HOOK3: variants seen among roughly 807,000 people sequenced by gnomAD.
The protein encoded by HOOK3 is protein Hook homolog 3.
A neutral mutation model predicts 116.3 loss-of-function variants in HOOK3; 24 were observed. The observed-to-expected ratio is 0.21, with a 90% CI of 0.15 to 0.29. HOOK3 has a LOEUF of 0.29. HOOK3 is among the 10% of genes least tolerant of loss of function. HOOK3 has a pLI of 1.00. For missense variants in HOOK3, 632 were observed against 830.2 expected, an observed-to-expected ratio of 0.76 and a Z score of 2.93; for synonymous variants, 275 against 283.0, an observed-to-expected ratio of 0.97 and a Z score of 0.28.
At chr8:42,934,187 T>C (rs1807922253) in intron 4 of HOOK3, among the ~76,000 whole-genome samples, 1 of 152,110 alleles carries the variant, frequency 6.6e-6, no homozygotes, top group African/African-American at 2.4e-5. Flanking sequence ...GTTTTTTCTC[T>C]CTTGTGTTTT....
chr8:42,924,738 C>T (rs892540865), intron 2 of HOOK3, among the ~76,000 whole-genome samples: 1 of 151,974 alleles, frequency 6.6e-6, no homozygotes, highest in South Asian at 2.1e-4. Flanking sequence ...TTTGGGAGGC[C>T]GAGGTGGACG....
chr8:43,004,015 A>G (rs909938804), intron 17 of HOOK3, among the ~76,000 whole-genome samples: 10 of 152,144 alleles, frequency 6.6e-5, no homozygotes, highest in African/African-American at 2.2e-4. Context: ...AGGAGACACA[A>G]TTCAGCCCAC....
chr8:42,975,191 A>G (rs1180362618), intron 13 of HOOK3, among the ~76,000 whole-genome samples: 2 of 152,118 alleles, frequency 1.3e-5, no homozygotes, highest in Non-Finnish European at 2.9e-5. Context: ...AACACCACCA[A>G]GCCCTCAGCG....
chr8:42,965,776 A>G (rs998883876), intron 9 of HOOK3, among the ~76,000 whole-genome samples: 1 of 152,122 alleles, frequency 6.6e-6, no homozygotes, highest in African/African-American at 2.4e-5. Flanking sequence ...GGAAAAAGTA[A>G]TAAACTTTTC....
In HOOK3 at chr8:42,992,488, C is replaced by T. The variant is rs1413509672; in HGVS notation, c.1533-5062C>T. 2.7e-5 allele frequency among the ~76,000 whole-genome samples: 4 copies of T among 148,288 alleles called. No homozygotes were observed. In the East Asian group the frequency reaches 6.0e-4, roughly 22 times the overall value. On this transcript the variant is annotated intron_variant, in intron 15 of 21. Coordinates refer to ENST00000307602, the MANE Select transcript of HOOK3 (RefSeq NM_032410.4). ...ATCCCAGCACTTTGGGAGGCTGAGG[C>T]GGGCGGATCACAAGGTCAGGAGATT...
chr8:43,016,187 G>T (rs1027837783), intron 21 of HOOK3, among the ~76,000 whole-genome samples: 4 of 149,592 alleles, frequency 2.7e-5, no homozygotes, highest in African/African-American at 9.9e-5. Flanking sequence ...GCACGATCTC[G>T]GCTCACTGTA....
intron 4 of HOOK3, among the ~76,000 whole-genome samples, chr8:42,936,928 T>C (rs28799623): frequency 0.048 from 7,217 of 151,602 alleles, 344 homozygotes; most frequent in African/African-American, 0.12. Context: ...GAGGAGTACC[T>C]CTTTTTCTGT....
At chr8:42,956,641 A>G (rs966571025) in intron 6 of HOOK3, among the ~76,000 whole-genome samples, 21 of 152,044 alleles carry the variant, frequency 1.4e-4, no homozygotes, top group Non-Finnish European at 2.8e-4. Context: ...CTAGAGTGCA[A>G]TGGCACCATC....
intron 17 of HOOK3, among the ~76,000 whole-genome samples, chr8:43,006,464 A>G (rs949055625): frequency 6.6e-6 from 1 of 152,042 alleles, no homozygotes; most frequent in Non-Finnish European, 1.5e-5. Flanking sequence ...CTGGGACTAC[A>G]GGCAAACACC....
intron 4 of HOOK3, among the ~76,000 whole-genome samples, chr8:42,936,468 A>G (rs1257911745): frequency 6.6e-6 from 1 of 152,170 alleles, no homozygotes; most frequent in Admixed American, 6.5e-5. Flanking sequence ...GTCTTGTGCC[A>G]GTTTTCAAAG....
intron 15 of HOOK3, among the ~76,000 whole-genome samples, chr8:42,991,785 C>T (rs925108536): frequency 6.6e-6 from 1 of 151,908 alleles, no homozygotes; most frequent in African/African-American, 2.4e-5. Flanking sequence ...AACTGGGTCT[C>T]ACTAAATTGC....
chr8:42,957,051 CT>C, intron 6 of HOOK3, 42 bp from the exon 7 acceptor site: 11 of 1,125,988 alleles, frequency 9.8e-6, no homozygotes, highest in South Asian at 4.6e-5. Flanking sequence ...TGTAGAATGT[CT>C]TTTTTGCCTC....
At chr8:42,992,728 AAAAG>A (rs1809191174) in intron 15 of HOOK3, among the ~76,000 whole-genome samples, 1 of 151,690 alleles carries the variant, frequency 6.6e-6, no homozygotes, top group Non-Finnish European at 1.5e-5. Context: ...AAAAAAAAAA[AAAAG>A]AAATGTTACT....
chr8:42,928,112 G>C (rs1807803640), intron 3 of HOOK3, among the ~76,000 whole-genome samples: 1 of 152,034 alleles, frequency 6.6e-6, no homozygotes, highest in Non-Finnish European at 1.5e-5. Context: ...AAACCCCATT[G>C]TACTAAAAAT....
intron 2 of HOOK3, among the ~76,000 whole-genome samples, chr8:42,910,069 C>G (rs750954801): frequency 1.1e-4 from 16 of 152,102 alleles, no homozygotes; most frequent in Non-Finnish European, 2.2e-4. Context: ...TCTGAGGGAG[C>G]AGATTTCAAA....
At position 42,962,786 on chromosome 8, in the gene HOOK3, ACTT is replaced by A. The variant is rs202234206; in HGVS notation, c.616-1515_616-1513del. Among the ~76,000 whole-genome samples the A allele has an allele frequency of 7.1e-4, 96 of 134,344 alleles. 1 individual carries two copies. Among genetic ancestry groups the A allele is most frequent in the Middle Eastern group, 4.0e-3 (1 of 250 alleles). The allele number at this position is 134,344 out of a possible 152,430, so 88.1% of individuals were successfully genotyped here. On this transcript the variant is annotated intron_variant, in intron 8 of 21. Transcript: ENST00000307602. ...AAATATATTGACTTTTTTTGGTCTG[ACTT>A]CTTCTTCTTTTTTTTTTTTTTTTTT...
Position 42,943,313 on chromosome 8 carries a change from A to G in HOOK3, c.268A>G (p.Ile90Val), listed in dbSNP as rs1808164105. Residue 90 changes from isoleucine to valine, a missense_variant and splice_region_variant, in exon 5 of 22, where the codon ATT becomes GTT. By Grantham distance (29) the Ile-to-Val change is conservative. Coordinates refer to ENST00000307602, the MANE Select transcript of HOOK3 (RefSeq NM_032410.4). Reference protein sequence around the residue: ...LKGILDYNHEILGQQINDFTL... With the variant: ...LKGILDYNHEVLGQQINDFTL... ...TTATAATCCTTTTATCTCCATTCAG[A>G]TTTTAGGACAGCAAATTAATGACTT... The G allele has an allele frequency of 2.0e-6, 3 of 1,469,044 alleles. No individual in the cohort carries two copies. The highest frequency in any genetic ancestry group is 4.8e-5 in the Admixed American group (2 of 41,988). The allele number at this position is 1,469,044 out of a possible 1,614,324, so 91.0% of individuals were successfully genotyped here.
rs556809993 is a variant in HOOK3, at chr8:42,936,511, A to G, written c.267+6339A>G. Among the ~76,000 whole-genome samples, 32 of 152,284 alleles carry G rather than the reference A, an allele frequency of 2.1e-4. No individual in the cohort carries two copies. The South Asian group carries it at 5.4e-3, about 26-fold the overall frequency. On this transcript the variant is annotated intron_variant, in intron 4 of 21. Transcript: ENST00000307602. Reference sequence around the variant, plus strand: ...TTCCAGCTTTTGCCCATTCAGTATGATATTGGCTGTGGGTTTGTCATAAGT... The same window carrying G: ...TTCCAGCTTTTGCCCATTCAGTATGGTATTGGCTGTGGGTTTGTCATAAGT...
At chr8:42,905,325 T>TTGGCGG (rs746035645) in intron 1 of HOOK3, among the ~76,000 whole-genome samples, 14 of 99,162 alleles carry the variant, frequency 1.4e-4, no homozygotes, top group African/African-American at 2.8e-4. Context: ...TTTCTTTTTT[T>TTGGCGG]GGGGGGGGGG....
Sources: allele counts gnomAD v4.1 joint callset (sites outside exome capture counted in the v4.1 genomes callset), GRCh38; gene constraint gnomAD v4.1.1; transcripts MANE v1.5; gene names NCBI Gene and HGNC (gene_info 2026-07-23, HGNC 2026-07-21).